Variants in EGF observed in about 807,000 individuals in gnomAD.
EGF encodes the protein epidermal growth factor, also known as pro-epidermal growth factor.
EGF carries 95 observed loss-of-function variants against 143.8 expected under a neutral mutation model. The observed-to-expected ratio is 0.66, with a 90% confidence interval of 0.56 to 0.78. EGF has a LOEUF of 0.78. Among genes scored for constraint, EGF ranks in the 30% least tolerant of loss-of-function variants. The pLI, the probability that EGF is intolerant of heterozygous loss-of-function variation, is 0.00. For missense variants in EGF, 1,320 were observed against 1,470.9 expected, an observed-to-expected ratio of 0.90 and a Z score of 1.68; for synonymous variants, 510 against 510.5, an observed-to-expected ratio of 1.00 and a Z score of 0.01.
At chr4:110,002,803 G>T (rs949592952) in intron 21 of EGF, among the ~76,000 whole-genome samples, 9 of 152,070 alleles carry the variant, frequency 5.9e-5, no homozygotes, top group African/African-American at 2.2e-4. Flanking sequence ...TTCTGCTCCT[G>T]TTCCTCCTCC....
At chr4:110,001,578 TTAAG>T (rs1352278556) in intron 21 of EGF, 2 of 980,090 alleles carry the variant, frequency 2.0e-6, no homozygotes, top group Non-Finnish European at 2.4e-6. Flanking sequence ...GCCATAATTA[TTAAG>T]TGTTTTTTCC....
intron 3 of EGF, 142 bp downstream of exon 3, chr4:109,943,577 GGACAGTT>G: frequency 1.1e-6 from 1 of 923,002 alleles, no homozygotes; most frequent in East Asian, 2.6e-5. Flanking sequence ...GTTTTCTATA[GGACAGTT>G]GCCTGCATTT....
intron 22 of EGF, 59 bp from the exon 23 acceptor site, chr4:110,008,093 G>T: frequency 6.8e-7 from 1 of 1,466,338 alleles, no homozygotes; most frequent in Non-Finnish European, 9.6e-7. Flanking sequence ...TTCAATGTAC[G>T]TTGAGATAAT....
chr4:109,927,443 GGCCGGGC>G (rs1161986692), intron 1 of EGF, among the ~76,000 whole-genome samples: 1 of 152,068 alleles, frequency 6.6e-6, no homozygotes, highest in African/African-American at 2.4e-5. Context: ...GACATGTCCA[GGCCGGGC>G]GCAGTGGCTC....
chr4:109,966,332 A>G (rs1746580682), intron 10 of EGF, among the ~76,000 whole-genome samples: 1 of 152,066 alleles, frequency 6.6e-6, no homozygotes, highest in African/African-American at 2.4e-5. Context: ...CATTTCACTT[A>G]GTATAATGCC....
intron 1 of EGF, among the ~76,000 whole-genome samples, chr4:109,933,347 G>T (rs1034406528): frequency 6.6e-6 from 1 of 152,006 alleles, no homozygotes; most frequent in Admixed American, 6.5e-5. Context: ...AATTCTCTTA[G>T]ACATTTATGC....
chr4:110,001,858 C>T (rs774757717), intron 21 of EGF: 234 of 985,254 alleles, frequency 2.4e-4, no homozygotes, highest in Non-Finnish European at 2.7e-4. Flanking sequence ...GAAATGCATC[C>T]AGAGTTGTAC....
At chr4:109,982,749 C>G (rs554998704) in intron 15 of EGF, among the ~76,000 whole-genome samples, 1 of 152,060 alleles carries the variant, frequency 6.6e-6, no homozygotes, top group East Asian at 1.9e-4. Context: ...TGCCCACATT[C>G]CTTTTGCCAT....
Position 109,945,170 on chromosome 4 carries a change from G to A in EGF, c.835G>A (p.Asp279Asn), listed in dbSNP as rs778787208. The A allele has an allele frequency of 5.0e-6, 8 of 1,614,100 alleles. No individual in the cohort carries two copies. The highest frequency in any genetic ancestry group is 6.8e-6 in the Non-Finnish European group (8 of 1,180,028). The change falls in exon 5 of 24, where the codon GAC becomes AAC. Residue 279 changes from aspartate to asparagine, a missense_variant. This residue lies in a region of EGF where 1,186 missense variants were observed against 1,313.7 expected (regional missense o/e 0.90). Transcript: ENST00000265171. ...IWIANKHTGK[D>N]MVRINLHSSF... Reference sequence around the variant, plus strand: ...GATAGCCAACAAACACACTGGAAAGGACATGGTTAGAATTAACCTCCATTC... The same window carrying A: ...GATAGCCAACAAACACACTGGAAAGAACATGGTTAGAATTAACCTCCATTC...
chr4:109,940,616 C>G (rs1041066378), intron 1 of EGF, among the ~76,000 whole-genome samples: 22 of 152,094 alleles, frequency 1.4e-4, no homozygotes, highest in Non-Finnish European at 2.8e-4. Context: ...TAAATCCTTT[C>G]CACAATAGAA....
intron 11 of EGF, among the ~76,000 whole-genome samples, chr4:109,971,522 G>T (rs898298552): frequency 5.3e-5 from 8 of 152,094 alleles, no homozygotes. Context: ...AACAGTGTTT[G>T]ATTAATAGCA....
At chr4:110,004,343 A>C (rs906391823) in intron 21 of EGF, 162 bp from the exon 22 acceptor site, 2 of 748,814 alleles carry the variant, frequency 2.7e-6, no homozygotes, top group Admixed American at 3.5e-5. Context: ...AGACTGCCTT[A>C]AACATCTAAA....
chr4:110,001,842 T>G, intron 21 of EGF: 1 of 985,472 alleles, frequency 1.0e-6, no homozygotes, highest in Non-Finnish European at 1.2e-6. Flanking sequence ...TCTTTTTCTC[T>G]TCACTGAAAT....
intron 7 of EGF, among the ~76,000 whole-genome samples, chr4:109,961,319 C>T (rs1377354739): frequency 6.6e-6 from 1 of 152,100 alleles, no homozygotes; most frequent in Non-Finnish European, 1.5e-5. Flanking sequence ...CAAGCCACTG[C>T]CCTTCCTGGG....
At chr4:109,988,859 C>T (rs1239828622) in intron 18 of EGF, 150 bp downstream of exon 18, 22 of 1,235,612 alleles carry the variant, frequency 1.8e-5, no homozygotes, top group Admixed American at 7.8e-5. Flanking sequence ...CTCAAACTGA[C>T]GTATTTCCAT....
chr4:109,936,428 C>A (rs888395067), intron 1 of EGF, among the ~76,000 whole-genome samples: 1 of 151,794 alleles, frequency 6.6e-6, no homozygotes, highest in African/African-American at 2.4e-5. Flanking sequence ...CTATTTGATT[C>A]TTCTCTCTTT....
At position 109,966,835 on chromosome 4, in the gene EGF, G is replaced by A. The variant is rs377058282; in HGVS notation, c.1576-2136G>A. Among the ~76,000 whole-genome samples, 241 of 152,136 alleles carry A rather than the reference G, an allele frequency of 1.6e-3. 2 individuals carry two copies. The highest frequency in any genetic ancestry group is 1.5e-3 in the Non-Finnish European group (103 of 67,948). On this transcript the variant is annotated intron_variant, in intron 10 of 23. Transcript: ENST00000265171. ...TCATATGTTTGTAGGCTGCTTGTGTGTCTTCTTTTGAAAAATGTCTGTTTA... is the reference window on the plus strand; with the variant it reads ...TCATATGTTTGTAGGCTGCTTGTGTATCTTCTTTTGAAAAATGTCTGTTTA...
At chr4:109,954,843 T>C (rs1744545584) in intron 5 of EGF, among the ~76,000 whole-genome samples, 1 of 152,234 alleles carries the variant, frequency 6.6e-6, no homozygotes, top group South Asian at 2.1e-4. Context: ...ATGTGATCCT[T>C]AACAAGGCAC....
At position 110,011,555 on chromosome 4, in the gene EGF, A is replaced by G. The variant is rs56067801; in HGVS notation, c.*100A>G. ...CAAAACTATAGGTTTTGGTTCCACA[A>G]TCTCTACGACTAATCACCTACTCAA... On this transcript the variant is annotated 3_prime_UTR_variant, in exon 24 of 24. Transcript: ENST00000265171. 99 of 1,572,858 alleles carry G rather than the reference A, an allele frequency of 6.3e-5. 1 individual carries two copies. The East Asian group carries it at 1.3e-3, about 21-fold the overall frequency.
Sources: gnomAD v4.1 joint callset for allele counts (sites outside exome capture counted in the v4.1 genomes callset) on GRCh38, gnomAD v4.1.1 for gene constraint, gnomAD v4.1.1 regional missense constraint, MANE v1.5 for transcripts, NCBI Gene and HGNC (gene_info 2026-07-23, HGNC 2026-07-21) for gene names.